The following PCDHA4 variants were observed in gnomAD, a reference collection of about 807,000 sequenced individuals.
PCDHA4 encodes protocadherin alpha 4.
In PCDHA4, 49 loss-of-function variants were observed where a neutral mutation model predicts 61.4. That is an observed-to-expected ratio of 0.80 (90% CI 0.63 to 1.01). PCDHA4 has a LOEUF of 1.01. Among genes scored for constraint, PCDHA4 ranks in the 50% least tolerant of loss-of-function variants. The pLI is 0.00. For synonymous variants in PCDHA4, 590 were observed against 550.3 expected (o/e 1.07, Z -1.01); for missense variants, 1,254 against 1,235.8 (o/e 1.01, Z -0.22).
chr5:140,990,898 G>A (rs1408537294), intron 3 of PCDHA4, among the ~76,000 whole-genome samples: 3 of 152,146 alleles, frequency 2.0e-5, no homozygotes, highest in Non-Finnish European at 4.4e-5. Context: ...GGTCGTTGCT[G>A]GGTCAAGTTT....
intron 1 of PCDHA4, chr5:140,843,803 T>C: frequency 7.7e-7 from 1 of 1,305,734 alleles, no homozygotes. Context: ...TTTTTCACCG[T>C]ATTTTATAGT....
chr5:141,000,416 TATA>T lies in PCDHA4; in HGVS notation c.2534-9210_2534-9208del, dbSNP rs1254571264. Among the ~76,000 whole-genome samples the T allele has an allele frequency of 5.1e-3, 472 of 93,246 alleles. 2 individuals carry two copies. Among genetic ancestry groups the T allele is most frequent in the Non-Finnish European group, 6.8e-3 (330 of 48,634 alleles). 61.2% of individuals were successfully genotyped at this position (93,246 alleles called of 152,430 possible). On this transcript the variant is annotated intron_variant, in intron 3 of 3. Transcript: ENST00000530339. ...CTCTCTATATATATATATATATATA[TATA>T]TATTTTTTTTTTTTTTTTTTTTTTT...
intron 1 of PCDHA4, chr5:140,968,146 T>C: frequency 6.2e-7 from 1 of 1,614,140 alleles, no homozygotes. Flanking sequence ...TTGAGATCTC[T>C]GACATCAATG....
chr5:140,980,441 A>G (rs1454168972), intron 2 of PCDHA4, among the ~76,000 whole-genome samples: 7 of 152,124 alleles, frequency 4.6e-5, no homozygotes, highest in African/African-American at 1.7e-4. Context: ...ACCATCCTGG[A>G]CAACACGGTG....
intron 1 of PCDHA4, among the ~76,000 whole-genome samples, chr5:140,941,230 T>C (rs536346214): frequency 7.3e-6 from 1 of 137,584 alleles, no homozygotes; most frequent in African/African-American, 2.9e-5. Context: ...TTTCTTTCTT[T>C]CTTTCTTTCT....
Position 140,848,595 on chromosome 5 carries a change from T to C in PCDHA4, c.2385+39023T>C, listed in dbSNP as rs2150413668. The C allele has an allele frequency of 1.4e-5, 23 of 1,594,356 alleles. 3 individuals are homozygous for C. The highest frequency in any genetic ancestry group is 1.8e-5 in the Non-Finnish European group (21 of 1,164,532). Reference sequence around the variant, plus strand: ...GGTGGGGAGCGGCCAGCTCCACTACTCCGTCCCGGAGGAAGCCGAACACGG... The same window carrying C: ...GGTGGGGAGCGGCCAGCTCCACTACCCCGTCCCGGAGGAAGCCGAACACGG... On this transcript the variant is annotated intron_variant, in intron 1 of 3. Coordinates refer to ENST00000530339, the MANE Select transcript of PCDHA4 (RefSeq NM_018907.4).
chr5:140,839,744 G>A (rs935121043), intron 1 of PCDHA4, among the ~76,000 whole-genome samples: 1 of 151,944 alleles, frequency 6.6e-6, no homozygotes, highest in African/African-American at 2.4e-5. Flanking sequence ...ACCCTTATTT[G>A]CCTTTCCTAT....
At chr5:140,870,919 C>G in intron 1 of PCDHA4, 1 of 1,613,952 alleles carries the variant, frequency 6.2e-7, no homozygotes, top group South Asian at 1.1e-5. Context: ...CAACGCGTGG[C>G]TTTCATATGA....
chr5:140,985,889 G>A (rs549796234), intron 3 of PCDHA4, among the ~76,000 whole-genome samples: 61 of 151,864 alleles, frequency 4.0e-4, no homozygotes, highest in Non-Finnish European at 5.7e-4. Context: ...ACAGGCGCCC[G>A]CCACCACTCC....
intron 1 of PCDHA4, chr5:140,877,364 T>A: frequency 6.2e-7 from 1 of 1,613,948 alleles, no homozygotes; most frequent in Non-Finnish European, 8.5e-7. Context: ...ACTGGCGAGA[T>A]CAGCACGACA....
chr5:140,925,905 G>A (rs1241819632), intron 1 of PCDHA4, among the ~76,000 whole-genome samples: 1 of 151,822 alleles, frequency 6.6e-6, no homozygotes, highest in Admixed American at 6.6e-5. Flanking sequence ...GATCGTCAAG[G>A]GCCGTTTGCA....
chr5:140,865,598 C>A (rs542387225), intron 1 of PCDHA4: 1 of 152,240 alleles, frequency 6.6e-6, no homozygotes, highest in African/African-American at 2.4e-5. Flanking sequence ...ATTGTTTGAG[C>A]AGTTTATTAA....
rs1234661148 is a variant in PCDHA4, at chr5:141,010,706, T to C, written c.*769T>C. 2 of 155,338 alleles carry C rather than the reference T, an allele frequency of 1.3e-5. No individual in the cohort carries two copies. Among genetic ancestry groups the C allele is most frequent in the African/African-American group, 4.8e-5 (2 of 41,492 alleles). The allele number at this position is 155,338 out of a possible 1,614,324, so 9.6% of individuals were successfully genotyped here. A position where few individuals can be genotyped will look rare whatever the true frequency, so the allele number is the denominator to read the frequency against. The stretch of plus-strand genomic sequence containing the variant: ...AGATCTGATGTGTTTCCTATACATG[T>C]CCTGTGCTCACTTTATTAAAAATTC... On this transcript the variant is annotated 3_prime_UTR_variant, in exon 4 of 4. Transcript: ENST00000530339.
chr5:141,009,407 G>T (rs990895210), intron 3 of PCDHA4, among the ~76,000 whole-genome samples: 2 of 152,184 alleles, frequency 1.3e-5, no homozygotes, highest in Admixed American at 6.5e-5. Flanking sequence ...TGCAGTGACT[G>T]CATTTCAGCC....
At chr5:140,940,258 C>A (rs2092581637) in intron 1 of PCDHA4, among the ~76,000 whole-genome samples, 1 of 152,130 alleles carries the variant, frequency 6.6e-6, no homozygotes, top group South Asian at 2.1e-4. Flanking sequence ...TCAATATCTT[C>A]TGGGTTCCAC....
chr5:140,809,229 G>C lies in PCDHA4; in HGVS notation c.2042G>C (p.Arg681Pro), dbSNP rs1452307952. The C allele has an allele frequency of 1.4e-5, 23 of 1,613,928 alleles. No homozygotes were observed. The highest frequency in any genetic ancestry group is 1.9e-5 in the Non-Finnish European group (23 of 1,179,948). ...ESGQAPKASS[R>P]ALVGAVGPDA... ...GGACAGGCGCCAAAGGCCTCCTCAC[G>C]GGCGTTGGTGGGCGCTGTGGGTCCC... The change falls in exon 1 of 4, where the codon CGG becomes CCG. Residue 681 changes from arginine to proline, a missense_variant. Transcript: ENST00000530339.
chr5:140,830,481 C>A (rs2150187126), intron 1 of PCDHA4: 1 of 1,505,878 alleles, frequency 6.6e-7, no homozygotes, highest in East Asian at 2.4e-5. Flanking sequence ...GATCATGATG[C>A]CAAAGTAAGT....
chr5:140,815,206 C>T (rs141510646), intron 1 of PCDHA4: 2 of 152,170 alleles, frequency 1.3e-5, no homozygotes, highest in East Asian at 3.9e-4. Context: ...ATTGATAGGG[C>T]ATAACTTACT....
chr5:140,966,929 G>A (rs944732818), intron 1 of PCDHA4: 2 of 1,603,460 alleles, frequency 1.2e-6, no homozygotes, highest in African/African-American at 1.3e-5. Flanking sequence ...GCAGGCACCC[G>A]GCGCGCTCGT....
Sources: gnomAD v4.1 joint callset for allele counts (sites outside exome capture counted in the v4.1 genomes callset) on GRCh38, gnomAD v4.1.1 for gene constraint, MANE v1.5 for transcripts, NCBI Gene and HGNC (gene_info 2026-07-23, HGNC 2026-07-21) for gene names.